Variants in PTPRB observed in about 807,000 individuals in gnomAD.
The protein encoded by PTPRB is protein tyrosine phosphatase receptor type B, also known as receptor-type tyrosine-protein phosphatase beta.
In PTPRB, 97 loss-of-function variants were observed where a neutral mutation model predicts 238.1. The ratio of observed to expected loss-of-function variants is 0.41; its 90% CI spans 0.35 to 0.48. The LOEUF is 0.48. Among genes scored for constraint, PTPRB ranks in the 20% least tolerant of loss-of-function variants. The pLI is 0.30. For synonymous variants in PTPRB, 970 were observed against 995.4 expected (o/e 0.97, Z 0.48); for missense variants, 2,292 against 2,681.9 (o/e 0.85, Z 3.21).
rs1878313806 is a variant in PTPRB, at chr12:70,560,264, C to T, written c.4432+407G>A. Among the ~76,000 whole-genome samples, 1 of 152,184 alleles carries T rather than the reference C, an allele frequency of 6.6e-6. No individual in the cohort carries two copies. Among genetic ancestry groups the T allele is most frequent in the South Asian group, 2.1e-4 (1 of 4,838 alleles). ...TTCCATCAGATTTTGGGGTACAGGG[C>T]TGACGTCCACAGACAATTATGTTCA... On this transcript the variant is annotated intron_variant, in intron 17 of 33. Transcript: ENST00000334414. The surrounding 1 kb of genome is among the most constrained non-coding windows in gnomAD (Gnocchi z 4.2).
chr12:70,577,122 A>G (rs1448879961), intron 10 of PTPRB, among the ~76,000 whole-genome samples: 1 of 152,220 alleles, frequency 6.6e-6, no homozygotes, highest in Non-Finnish European at 1.5e-5. Context: ...GGATAGCTTC[A>G]ATTTTTTTGT....
In PTPRB at chr12:70,587,118, C is replaced by T. The variant is rs4617632; in HGVS notation, c.2200G>A (p.Asp734Asn). ...TCAGTAAAAGTGAATTCTTTGGCAT[C>T]TTTGGAGAGTGACTTGTGGATCAGT... ...LLLIHKSLSK[D>N]AKEFTFTDLV... Residue 734 changes from aspartate (D) to asparagine (N), a missense_variant, in exon 9 of 34, where the codon GAT becomes AAT. Physicochemically the swap from Asp to Asn is conservative, Grantham distance 23 (BLOSUM62 1). Around this residue, in one of 4 missense-constraint regions of PTPRB, gnomAD observed 1,205 missense variants for 1,287.8 expected, o/e 0.94. Transcript: ENST00000334414. 2 of 1,613,802 alleles carry T rather than the reference C, an allele frequency of 1.2e-6. No individual in the cohort carries two copies. Among genetic ancestry groups the T allele is most frequent in the East Asian group, 2.2e-5 (1 of 44,896 alleles).
chr12:70,609,195 A>G lies in PTPRB; in HGVS notation c.853T>C (p.Leu285=), dbSNP rs1884218687. 3 of 1,614,054 alleles carry G rather than the reference A, an allele frequency of 1.9e-6. No homozygotes were observed. In the East Asian group the frequency reaches 6.7e-5, roughly 36 times the overall value. The change falls in exon 4 of 34, where the codon TTG becomes CTG. Residue 285 remains leucine (L), a synonymous_variant. Coordinates refer to ENST00000334414, the MANE Select transcript of PTPRB (RefSeq NM_001109754.4). ...TTGTCTATCCGAAAGGTAGGGCACA[A>G]CGCGGCCCCCAGGGTGTCACTGCTA... ...IYSSDTLGAA[L]CPTFRIDNTT... is the part of the protein sequence containing the mutation.
intron 10 of PTPRB, among the ~76,000 whole-genome samples, chr12:70,577,648 T>C (rs911111218): frequency 6.6e-6 from 1 of 152,206 alleles, no homozygotes; most frequent in African/African-American, 2.4e-5. Flanking sequence ...ACATCACTTA[T>C]AATGGACAGG....
chr12:70,569,681 G>A lies in PTPRB; in HGVS notation c.3628C>T (p.Arg1210Trp), dbSNP rs765244520. 29 of 1,613,554 alleles carry A rather than the reference G, an allele frequency of 1.8e-5. No individual in the cohort carries two copies. The highest frequency in any genetic ancestry group is 3.3e-5 in the Admixed American group (2 of 59,976). ...TCTCCAGGTGGATGCTTACCTGTCC[G>A]CCCAACCACATTTATCTGATTCTTC... ...SLKNQINVVG[R>W]TVPASVQGVI... The change falls in exon 14 of 34, where the codon CGG becomes TGG. Residue 1210 changes from arginine to tryptophan, a missense_variant. Around this residue, in one of 4 missense-constraint regions of PTPRB, gnomAD observed 683 missense variants for 862.0 expected, o/e 0.79. Transcript: ENST00000334414.
At chr12:70,547,767 A>T (rs1592442643) in intron 21 of PTPRB, among the ~76,000 whole-genome samples, 1 of 152,082 alleles carries the variant, frequency 6.6e-6, no homozygotes, top group Non-Finnish European at 1.5e-5. Flanking sequence ...TTGGCCTCCC[A>T]AAGTGCTCGG....
chr12:70,538,828 G>T, intron 27 of PTPRB, 96 bp downstream of exon 27: 2 of 955,206 alleles, frequency 2.1e-6, no homozygotes, highest in South Asian at 1.4e-5. Flanking sequence ...TCCATATCGA[G>T]CTATATTATA....
intron 15 of PTPRB, among the ~76,000 whole-genome samples, chr12:70,563,348 C>A (rs1878762218): frequency 6.6e-6 from 1 of 152,234 alleles, no homozygotes; most frequent in African/African-American, 2.4e-5. Context: ...CACCTCCTTG[C>A]AAACTGCTGG....
chr12:70,637,220 T>C (rs1053620651), intron 1 of PTPRB, 121 bp downstream of exon 1: 5 of 828,654 alleles, frequency 6.0e-6, no homozygotes, highest in Admixed American at 2.7e-5. Flanking sequence ...TTTCATCGTC[T>C]TTGGCTAAAC....
intron 21 of PTPRB, among the ~76,000 whole-genome samples, chr12:70,549,220 GA>G (rs1248300813): frequency 2.6e-5 from 4 of 152,178 alleles, no homozygotes; most frequent in African/African-American, 7.2e-5. Context: ...ATATCTGATA[GA>G]TTTTTTTCCA....
rs182777268 is a variant in PTPRB at position 70,526,532 on chromosome 12, A to G, written c.6505-1941T>C. Among the ~76,000 whole-genome samples, 3 of 152,228 alleles carry G rather than the reference A, an allele frequency of 2.0e-5. No homozygotes were observed. In the South Asian group the frequency reaches 6.2e-4, roughly 32 times the overall value. ...AGAAAAGGACATTTTAAACAAATCA[A>G]TAAGAAGTGAGGCCTGCAATAATAT... On this transcript the variant is annotated intron_variant, in intron 32 of 33. Transcript: ENST00000334414.
At chr12:70,538,452 T>C in intron 27 of PTPRB, 1 of 520,412 alleles carries the variant, frequency 1.9e-6, no homozygotes, top group Non-Finnish European at 3.4e-6. Context: ...GCCCCATCTG[T>C]GCTTCCCTTT....
intron 7 of PTPRB, 78 bp from the exon 8 acceptor site, chr12:70,590,311 A>G: frequency 2.2e-6 from 3 of 1,382,448 alleles, no homozygotes; most frequent in Non-Finnish European, 2.9e-6. Flanking sequence ...CTTGGGCAGC[A>G]GTAGATAGGA....
chr12:70,586,968 C>A, intron 9 of PTPRB, 39 bp downstream of exon 9: 2 of 1,570,676 alleles, frequency 1.3e-6, no homozygotes, highest in Non-Finnish European at 1.7e-6. Flanking sequence ...ATTCAGCAGA[C>A]AGAACACTTT....
intron 15 of PTPRB, among the ~76,000 whole-genome samples, chr12:70,565,611 G>A (rs112579732): frequency 0.025 from 3,760 of 152,124 alleles, 171 homozygotes; most frequent in African/African-American, 0.086. Context: ...TGTCTGTCTC[G>A]TCAGTCAGCT....
In PTPRB at chr12:70,532,161, C is replaced by T; in HGVS notation, c.6378G>A (p.Val2126=). ...ATGCAATAAAGGTTCCAGTCCTACC[C>T]ACACCAGCACTAGAAGAGATGGCAA... The part of the protein sequence containing the change: ...GPTVVHCSAG[V]GRTGTFIALD... The change falls in exon 32 of 34, where the codon GTG becomes GTA. Residue 2126 remains valine (V), a synonymous_variant. Coordinates refer to ENST00000334414, the MANE Select transcript of PTPRB (RefSeq NM_001109754.4). 1 of 1,602,426 alleles carries T rather than the reference C, an allele frequency of 6.2e-7. No individual in the cohort carries two copies. The highest frequency in any genetic ancestry group is 8.5e-7 in the Non-Finnish European group (1 of 1,176,318).
At chr12:70,586,966 G>A (rs776712701) in intron 9 of PTPRB, 41 bp downstream of exon 9, 17 of 1,567,318 alleles carry the variant, frequency 1.1e-5, no homozygotes, top group Non-Finnish European at 1.5e-5. Context: ...TAATTCAGCA[G>A]ACAGAACACT....
rs1194339348 is a variant in PTPRB, at chr12:70,562,945, C to T, written c.4067G>A (p.Ser1356Asn). 5.0e-6 allele frequency: 8 copies of T among 1,613,894 alleles called. No individual in the cohort carries two copies. The highest frequency in any genetic ancestry group is 6.8e-6 in the Non-Finnish European group (8 of 1,179,912). Residue 1356 changes from serine to asparagine, a missense_variant, in exon 16 of 34, where the codon AGC (serine) becomes AAC (asparagine). Physicochemically the swap from Ser to Asn is conservative, Grantham distance 46. Coordinates refer to ENST00000334414, the MANE Select transcript of PTPRB (RefSeq NM_001109754.4). ...TTGTAGCAAGTTCTGGAAAGAGAAG[C>T]TCTGGACTAGTGGGTCAACTTGAGC... Reference protein sequence around the residue: ...ERAQVDPLVQSFSFQNLLQGR... With the variant: ...ERAQVDPLVQNFSFQNLLQGR...
chr12:70,576,491 A>T lies in PTPRB; in HGVS notation c.2733T>A (p.Ser911=). Residue 911 remains serine, a synonymous_variant, in exon 11 of 34, where the codon TCT becomes TCA. Coordinates refer to ENST00000334414, the MANE Select transcript of PTPRB (RefSeq NM_001109754.4). ...GGGAGCTGAAGGAACATTCTCTGACAGACTTGGCAATGACAAGGGACTGAA... is the reference window on the plus strand; with the variant it reads ...GGGAGCTGAAGGAACATTCTCTGACTGACTTGGCAATGACAAGGGACTGAA... ...KVVQSLVIAK[S]VRECSFSSLT... is the part of the protein sequence containing the mutation. 1 of 1,582,902 alleles carries T rather than the reference A, an allele frequency of 6.3e-7. No individual in the cohort carries two copies. The highest frequency in any genetic ancestry group is 8.6e-7 in the Non-Finnish European group (1 of 1,162,784).
Sources: allele counts gnomAD v4.1 joint callset (sites outside exome capture counted in the v4.1 genomes callset), GRCh38; gene constraint gnomAD v4.1.1; regional missense constraint gnomAD v4.1.1; non-coding constraint Gnocchi (gnomAD v3.1); transcripts MANE v1.5; gene names NCBI Gene and HGNC (gene_info 2026-07-23, HGNC 2026-07-21).